The following WASL variants were observed in gnomAD, a reference collection of about 807,000 sequenced individuals.
WASL encodes actin nucleation-promoting factor WASL.
A neutral mutation model predicts 55.5 loss-of-function variants in WASL; 20 were observed. That is an observed-to-expected ratio of 0.36 (90% confidence interval 0.25 to 0.52). The LOEUF (loss-of-function observed/expected upper bound fraction) is 0.52. WASL is among the 20% of genes least tolerant of loss of function. The pLI, the probability that WASL is intolerant of heterozygous loss-of-function variation, is 0.92. For synonymous variants in WASL, 249 were observed against 217.6 expected (o/e 1.14, Z -1.27); for missense variants, 504 against 622.5 (o/e 0.81, Z 2.03).
At chr7:123,706,622 A>G (rs1343999617) in intron 3 of WASL, 118 bp downstream of exon 3, 1 of 894,454 alleles carries the variant, frequency 1.1e-6, no homozygotes, top group African/African-American at 1.8e-5. Context: ...CATCTTCAGC[A>G]AAAAAATAAA....
intron 1 of WASL, among the ~76,000 whole-genome samples, chr7:123,745,691 T>C (rs1804419417): frequency 6.6e-6 from 1 of 152,122 alleles, no homozygotes; most frequent in East Asian, 1.9e-4. Context: ...CTGAGTAATA[T>C]CTAGGAATTG....
intron 1 of WASL, among the ~76,000 whole-genome samples, chr7:123,709,801 G>A (rs1434136608): frequency 6.6e-6 from 1 of 152,138 alleles, no homozygotes; most frequent in Non-Finnish European, 1.5e-5. Context: ...TACCACCCTG[G>A]AAGGCAGATT....
intron 1 of WASL, among the ~76,000 whole-genome samples, chr7:123,716,082 C>T (rs1803835637): frequency 6.6e-6 from 1 of 152,150 alleles, no homozygotes; most frequent in Admixed American, 6.5e-5. Context: ...TCTCTTCTGT[C>T]TCCTTTTCCT....
At chr7:123,700,170 C>A in intron 5 of WASL, among the ~76,000 whole-genome samples, 1 of 74,134 alleles carries the variant, frequency 1.3e-5, no homozygotes, top group Non-Finnish European at 2.3e-5. Context: ...AGCGAAACTC[C>A]GTCTCAAAAA....
chr7:123,685,540 C>A (rs1803272867), intron 10 of WASL, among the ~76,000 whole-genome samples: 1 of 151,980 alleles, frequency 6.6e-6, no homozygotes, highest in Non-Finnish European at 1.5e-5. Context: ...TAAAGTATAG[C>A]TCTTCCCCAT....
intron 1 of WASL, among the ~76,000 whole-genome samples, chr7:123,720,992 G>C (rs2116804270): frequency 6.6e-6 from 1 of 152,184 alleles, no homozygotes; most frequent in African/African-American, 2.4e-5. Context: ...TAGCTCTTTA[G>C]CTTCCCCCTA....
chr7:123,686,541 A>T (rs149587607), intron 10 of WASL, among the ~76,000 whole-genome samples: 1 of 152,094 alleles, frequency 6.6e-6, no homozygotes, highest in Non-Finnish European at 1.5e-5. Context: ...AAACCATCCT[A>T]TATTTTCATT....
Position 123,748,958 on chromosome 7 carries a change from C to A in WASL, c.-224G>T. ...AGGGAAGCTCCCGGCACCCGCCCGG[C>A]CAGGCTAGGGCCGGATGGTCGTTGT... On this transcript the variant is annotated 5_prime_UTR_variant, in exon 1 of 11. Transcript: ENST00000223023. 1.8e-6 allele frequency: 1 copy of A among 568,810 alleles called. No individual in the cohort carries two copies. The highest frequency in any genetic ancestry group is 3.1e-6 in the Non-Finnish European group (1 of 322,250). 35.2% of individuals were successfully genotyped at this position (568,810 alleles called of 1,614,324 possible).
intron 6 of WASL, 54 bp downstream of exon 6, chr7:123,696,525 A>T: frequency 7.0e-7 from 1 of 1,436,028 alleles, no homozygotes; most frequent in Non-Finnish European, 9.1e-7. Flanking sequence ...AAAATCAAGA[A>T]CAGCAATGAA....
chr7:123,736,658 G>A (rs1023837327), intron 1 of WASL, among the ~76,000 whole-genome samples: 5 of 152,064 alleles, frequency 3.3e-5, no homozygotes, highest in African/African-American at 1.2e-4. Context: ...TAATACCTGG[G>A]TATTATTTTG....
chr7:123,728,890 C>CA (rs1478289786), intron 1 of WASL, among the ~76,000 whole-genome samples: 1 of 151,982 alleles, frequency 6.6e-6, no homozygotes, highest in Non-Finnish European at 1.5e-5. Flanking sequence ...AACGAACGAA[C>CA]AAAAAAACAA....
At chr7:123,704,156 A>G (rs112021893) in intron 5 of WASL, among the ~76,000 whole-genome samples, 1 of 152,208 alleles carries the variant, frequency 6.6e-6, no homozygotes, top group Non-Finnish European at 1.5e-5. Flanking sequence ...CCACAACAGT[A>G]GGTGTTCATT....
chr7:123,727,434 A>T (rs1360340355), intron 1 of WASL, among the ~76,000 whole-genome samples: 1 of 151,858 alleles, frequency 6.6e-6, no homozygotes, highest in East Asian at 1.9e-4. Context: ...AAAACGGGAA[A>T]CTCAAATATC....
At chr7:123,737,596 CAAAAA>C (rs34669724) in intron 1 of WASL, among the ~76,000 whole-genome samples, 2 of 72,812 alleles carry the variant, frequency 2.7e-5, no homozygotes, top group Non-Finnish European at 2.6e-5. Flanking sequence ...CTCCGTCTCC[CAAAAA>C]AAAAAAAAAA....
In WASL at chr7:123,727,204, T is replaced by C. The variant is rs576043263; in HGVS notation, c.118-17981A>G. 4.6e-5 allele frequency among the ~76,000 whole-genome samples: 7 copies of C among 152,200 alleles called. No individual in the cohort carries two copies. The South Asian group carries it at 8.3e-4, about 18-fold the overall frequency. ...ATAAAATACTGGAGATGTGGAGCAA[T>C]GGGAAGTCTCATACATAGCTGGTGG... On this transcript the variant is annotated intron_variant, in intron 1 of 10. Coordinates refer to ENST00000223023, the MANE Select transcript of WASL (RefSeq NM_003941.4).
chr7:123,741,604 G>C (rs1033465376), intron 1 of WASL, among the ~76,000 whole-genome samples: 1 of 151,990 alleles, frequency 6.6e-6, no homozygotes, highest in Admixed American at 6.6e-5. Context: ...TTTAAAATCT[G>C]TTTTTCTACT....
intron 1 of WASL, among the ~76,000 whole-genome samples, chr7:123,731,254 A>G (rs942914392): frequency 2.0e-5 from 3 of 152,238 alleles, no homozygotes; most frequent in Non-Finnish European, 4.4e-5. Context: ...CAATTATACA[A>G]AAAGACATAA....
chr7:123,738,445 T>C (rs1584874575), intron 1 of WASL, among the ~76,000 whole-genome samples: 1 of 152,204 alleles, frequency 6.6e-6, no homozygotes, highest in Non-Finnish European at 1.5e-5. Flanking sequence ...ACAGATCTAA[T>C]CCCACTCCCA....
chr7:123,720,399 C>G, intron 1 of WASL: 2 of 431,512 alleles, frequency 4.6e-6, no homozygotes, highest in South Asian at 3.3e-5. Flanking sequence ...ACAAGATACA[C>G]TGTTATCTGA....
Sources: allele counts gnomAD v4.1 joint callset (sites outside exome capture counted in the v4.1 genomes callset), GRCh38; gene constraint gnomAD v4.1.1; transcripts MANE v1.5; gene names NCBI Gene and HGNC (gene_info 2026-07-23, HGNC 2026-07-21).